The following TRPC4AP variants were observed in gnomAD, a reference collection of about 807,000 sequenced individuals.
TRPC4AP encodes transient receptor potential cation channel subfamily C member 4 associated protein, also known as short transient receptor potential channel 4-associated protein.
Under a neutral mutation model 99.0 loss-of-function variants are expected in TRPC4AP, and 45 were observed. That is an observed-to-expected ratio of 0.45 (90% CI 0.36 to 0.58). The LOEUF (loss-of-function observed/expected upper bound fraction) is 0.58, where lower values mean the gene tolerates loss of function less well. Among genes scored for constraint, TRPC4AP ranks in the 20% least tolerant of loss-of-function variants. The probability of loss-of-function intolerance (pLI) is 0.00; values close to 1 mark genes in which losing one functional copy is unlikely to be tolerated. For missense variants in TRPC4AP, 879 were observed against 985.3 expected, an observed-to-expected ratio of 0.89 and a Z score of 1.44; for synonymous variants, 408 against 385.8, an observed-to-expected ratio of 1.06 and a Z score of -0.67.
At position 35,058,687 on chromosome 20, in the gene TRPC4AP, CT is replaced by C. The variant is rs71196781; in HGVS notation, c.415-1117del. Among the ~76,000 whole-genome samples the C allele has an allele frequency of 3.9e-3, 435 of 110,340 alleles. 3 individuals are homozygous for C. Among genetic ancestry groups the C allele is most frequent in the South Asian group, 0.025 (84 of 3,346 alleles). 72.4% of individuals were successfully genotyped at this position (110,340 alleles called of 152,430 possible). A position where few individuals can be genotyped will look rare whatever the true frequency, so the allele number is the denominator to read the frequency against. ...TAAATGCCTATATTAAAAGAAAATTCTTTTTTTTTTTTTTTTTTTTGAGACA... is the reference window on the plus strand; with the variant it reads ...TAAATGCCTATATTAAAAGAAAATTCTTTTTTTTTTTTTTTTTTTGAGACA... On this transcript the variant is annotated intron_variant, in intron 3 of 18. Transcript: ENST00000252015.
chr20:35,009,105 G>A (rs76898922), intron 12 of TRPC4AP, among the ~76,000 whole-genome samples: 139 of 152,346 alleles, frequency 9.1e-4, no homozygotes, highest in African/African-American at 2.9e-3. Flanking sequence ...GAGGCCCAGC[G>A]TACTCCGTGC....
intron 7 of TRPC4AP, among the ~76,000 whole-genome samples, chr20:35,038,295 ATC>A (rs768110167): frequency 2.0e-5 from 3 of 150,310 alleles, no homozygotes; most frequent in Non-Finnish European, 4.4e-5. Flanking sequence ...TTTTTAACAT[ATC>A]AGCTTGGCAA....
At position 35,015,993 on chromosome 20, in the gene TRPC4AP, G is replaced by A. The variant is rs2082746218; in HGVS notation, c.1350+15C>T. On this transcript the variant is annotated intron_variant, in intron 10 of 18. Coordinates refer to ENST00000252015, the MANE Select transcript of TRPC4AP (RefSeq NM_015638.3). ...CCAGTGAGGCCCCATCTGTCCCCGG[G>A]GGTCTCCTGCTTACCGGGCTACAGT... 1 of 1,613,968 alleles carries A rather than the reference G, an allele frequency of 6.2e-7. No individual in the cohort carries two copies. Among genetic ancestry groups the A allele is most frequent in the South Asian group, 1.1e-5 (1 of 91,074 alleles).
At chr20:35,037,316 C>T (rs182651933) in intron 7 of TRPC4AP, among the ~76,000 whole-genome samples, 16 of 145,540 alleles carry the variant, frequency 1.1e-4, no homozygotes, top group African/African-American at 3.9e-4. Context: ...CACTGCACTC[C>T]GGCCTGGGCG....
intron 17 of TRPC4AP, 91 bp downstream of exon 17, chr20:35,004,367 G>A: frequency 9.1e-7 from 1 of 1,102,776 alleles, no homozygotes; most frequent in East Asian, 2.6e-5. Flanking sequence ...ACGCACTTCT[G>A]GAGTGGGGGA....
In TRPC4AP at chr20:35,066,182, T is replaced by C. The variant is rs1044683255; in HGVS notation, c.414+3114A>G. ...TTCATGGTGCGATCTCGGCTCACTG[T>C]AGCCTCAACCTCCCGGACTCAACCA... On this transcript the variant is annotated intron_variant, in intron 3 of 18. Coordinates refer to ENST00000252015, the MANE Select transcript of TRPC4AP (RefSeq NM_015638.3). 2.6e-5 allele frequency among the ~76,000 whole-genome samples: 4 copies of C among 152,056 alleles called. No homozygotes were observed. In the East Asian group the frequency reaches 7.7e-4, roughly 29 times the overall value.
At chr20:35,022,610 C>T (rs1286734781) in intron 8 of TRPC4AP, among the ~76,000 whole-genome samples, 1 of 152,122 alleles carries the variant, frequency 6.6e-6, no homozygotes, top group Non-Finnish European at 1.5e-5. Context: ...AACTGCTTCC[C>T]TAGAGGCCTT....
chr20:35,060,009 AC>A (rs1238959555), intron 3 of TRPC4AP, among the ~76,000 whole-genome samples: 3 of 152,162 alleles, frequency 2.0e-5, no homozygotes, highest in African/African-American at 7.2e-5. Flanking sequence ...TTAAAAAAAA[AC>A]AAACAAAAAC....
At chr20:35,018,138 GCA>G (rs1012701286) in intron 9 of TRPC4AP, among the ~76,000 whole-genome samples, 35 of 152,308 alleles carry the variant, frequency 2.3e-4, no homozygotes, top group African/African-American at 8.4e-4. Flanking sequence ...TTGCCTCACT[GCA>G]CAGACTAGAA....
Position 35,013,000 on chromosome 20 carries a change from G to T in TRPC4AP, c.1409+8C>A. The T allele has an allele frequency of 1.9e-6, 3 of 1,614,048 alleles. No homozygotes were observed. The highest frequency in any genetic ancestry group is 2.5e-6 in the Non-Finnish European group (3 of 1,179,972). ...CAACTCTCCTTGCAGGGACACTCTT[G>T]TACTTACTCGTGGTGGTCACTGAAG... On this transcript the variant is annotated splice_region_variant and intron_variant, in intron 11 of 18. Transcript: ENST00000252015.
intron 2 of TRPC4AP, among the ~76,000 whole-genome samples, chr20:35,074,470 T>C (rs2084417135): frequency 6.6e-6 from 1 of 152,188 alleles, no homozygotes. Context: ...GTATGTCATG[T>C]CTTTGTTCTC....
chr20:35,020,611 C>T (rs1439109034), intron 9 of TRPC4AP, among the ~76,000 whole-genome samples: 1 of 152,186 alleles, frequency 6.6e-6, no homozygotes, highest in Non-Finnish European at 1.5e-5. Context: ...TCTCCTGCCC[C>T]CATGCTTGGT....
Position 35,035,183 on chromosome 20 carries a change from T to C in TRPC4AP, c.991A>G (p.Asn331Asp), listed in dbSNP as rs2083291522. The change falls in exon 8 of 19, where the codon AAT becomes GAT. Residue 331 changes from asparagine (N) to aspartate (D), a missense_variant. By Grantham distance (23) the Asn-to-Asp change is conservative. Around this residue, in one of 3 missense-constraint regions of TRPC4AP, gnomAD observed 603 missense variants for 631.8 expected, o/e 0.95. Transcript: ENST00000252015. ...ATCAGGGCATCTAGCACCAAAGCAT[T>C]GTCTAGCCATGTGTACCACTCTTCC... is the stretch of plus-strand genomic sequence containing the variant. ...ELEEWYTWLD[N>D]ALVLDALMRV... The C allele has an allele frequency of 6.2e-7, 1 of 1,613,924 alleles. No homozygotes were observed. Among genetic ancestry groups the C allele is most frequent in the Admixed American group, 1.7e-5 (1 of 59,980 alleles).
At chr20:35,046,468 T>C (rs1175204859) in intron 6 of TRPC4AP, among the ~76,000 whole-genome samples, 1 of 152,212 alleles carries the variant, frequency 6.6e-6, no homozygotes, top group Non-Finnish European at 1.5e-5. Flanking sequence ...CTTTTAATAA[T>C]CTGTTCCTGC....
chr20:35,063,425 T>TGGGGAGAA (rs1569135344), intron 3 of TRPC4AP, among the ~76,000 whole-genome samples: 1 of 152,124 alleles, frequency 6.6e-6, no homozygotes. Context: ...CTGCCAGAGC[T>TGGGGAGAA]GGGGAGAAGG....
chr20:35,002,988 A>AC lies in TRPC4AP; in HGVS notation c.*157dup. The AC allele has an allele frequency of 9.9e-7, 1 of 1,005,154 alleles. No individual in the cohort carries two copies. Among genetic ancestry groups the AC allele is most frequent in the South Asian group, 1.6e-5 (1 of 62,970 alleles). 62.3% of individuals were successfully genotyped at this position (1,005,154 alleles called of 1,614,324 possible). On this transcript the variant is annotated 3_prime_UTR_variant, in exon 19 of 19. Coordinates refer to ENST00000252015, the MANE Select transcript of TRPC4AP (RefSeq NM_015638.3). ...ACCTAGGGCCCTCAGACCCAGGGGG[A>AC]CCAAGGGCTTCTAGGACTTCCCTCC...
chr20:35,062,155 T>C (rs922505925), intron 3 of TRPC4AP, among the ~76,000 whole-genome samples: 10 of 152,162 alleles, frequency 6.6e-5, no homozygotes, highest in African/African-American at 2.2e-4. Flanking sequence ...ATAGTAACTA[T>C]TGGCAAAGAT....
At chr20:35,076,444 T>C (rs2084483200) in intron 2 of TRPC4AP, among the ~76,000 whole-genome samples, 1 of 152,204 alleles carries the variant, frequency 6.6e-6, no homozygotes, top group Non-Finnish European at 1.5e-5. Context: ...GGGGTTTTGG[T>C]GTGGATGTCC....
At chr20:35,078,572 G>A (rs2084546334) in intron 1 of TRPC4AP, among the ~76,000 whole-genome samples, 1 of 151,986 alleles carries the variant, frequency 6.6e-6, no homozygotes, top group Admixed American at 6.6e-5. Flanking sequence ...AGAAAAAGAG[G>A]GGAAGACAAA....
Sources: gnomAD v4.1 joint callset for allele counts (sites outside exome capture counted in the v4.1 genomes callset) on GRCh38, gnomAD v4.1.1 for gene constraint, gnomAD v4.1.1 regional missense constraint, MANE v1.5 for transcripts, NCBI Gene and HGNC (gene_info 2026-07-23, HGNC 2026-07-21) for gene names.